The following BMPER variants were observed in gnomAD, a reference collection of about 807,000 sequenced individuals.
BMPER encodes BMP-binding endothelial regulator protein.
A neutral mutation model predicts 87.3 loss-of-function variants in BMPER; 45 were observed. The ratio of observed to expected loss-of-function variants is 0.52; its 90% CI spans 0.41 to 0.66. The LOEUF (loss-of-function observed/expected upper bound fraction) is 0.66. BMPER is among the 30% of genes least tolerant of loss of function. The pLI, the probability that BMPER is intolerant of heterozygous loss-of-function variation, is 0.00. For synonymous variants in BMPER, 326 were observed against 316.2 expected, an observed-to-expected ratio of 1.03 and a Z score of -0.33; for missense variants, 784 against 867.5, an observed-to-expected ratio of 0.90 and a Z score of 1.21.
intron 6 of BMPER, among the ~76,000 whole-genome samples, chr7:34,012,893 C>T (rs1050172934): frequency 6.6e-6 from 1 of 151,934 alleles, no homozygotes; most frequent in Non-Finnish European, 1.5e-5. Context: ...AAAACTCTAA[C>T]CATCTGTTGT....
intron 13 of BMPER, among the ~76,000 whole-genome samples, chr7:34,137,966 G>A (rs868724072): frequency 1.2e-4 from 18 of 152,078 alleles, no homozygotes; most frequent in African/African-American, 3.4e-4. Flanking sequence ...ATTCCCTGGC[G>A]CTAATGGAGC....
intron 6 of BMPER, 122 bp from the exon 7 acceptor site, chr7:34,046,184 G>A: frequency 1.1e-6 from 1 of 908,704 alleles, no homozygotes; most frequent in Non-Finnish European, 1.8e-6. Context: ...ACATGGGCCT[G>A]AGCAGTCAGT....
At chr7:33,917,756 A>G (rs1784120543) in intron 2 of BMPER, among the ~76,000 whole-genome samples, 1 of 152,196 alleles carries the variant, frequency 6.6e-6, no homozygotes, top group African/African-American at 2.4e-5. Flanking sequence ...GCTTGGTCAC[A>G]TAGATAATAT....
chr7:34,007,855 GTTAA>G (rs1435940438), intron 6 of BMPER, among the ~76,000 whole-genome samples: 7 of 152,020 alleles, frequency 4.6e-5, no homozygotes, highest in Non-Finnish European at 7.4e-5. Context: ...GCACATGTAT[GTTAA>G]TTGTTTTAGG....
At chr7:34,152,663 G>A (rs1207127287) in intron 14 of BMPER, among the ~76,000 whole-genome samples, 1 of 151,944 alleles carries the variant, frequency 6.6e-6, no homozygotes, top group African/African-American at 2.4e-5. Context: ...TCCTTGGTAG[G>A]TTTTTTCTCT....
At chr7:33,939,096 T>C (rs906171282) in intron 3 of BMPER, among the ~76,000 whole-genome samples, 1 of 152,104 alleles carries the variant, frequency 6.6e-6, no homozygotes, top group African/African-American at 2.4e-5. Flanking sequence ...GAAAGATGCA[T>C]TTACCGTACT....
At position 33,946,412 on chromosome 7, in the gene BMPER, G is replaced by A. The variant is rs118076748; in HGVS notation, c.319+9024G>A. Among the ~76,000 whole-genome samples, 1,194 of 152,296 alleles carry A rather than the reference G, an allele frequency of 7.8e-3. 7 individuals are homozygous for A. The highest frequency in any genetic ancestry group is 0.013 in the Admixed American group (205 of 15,302). ...ATGTGCCTGGGAAGGCTTTCCAGAA[G>A]AGCAATGCGTTTTTATGAACAAGTA... is the stretch of plus-strand genomic sequence containing the variant. On this transcript the variant is annotated intron_variant, in intron 3 of 14. Transcript: ENST00000649409.
chr7:34,032,424 G>C (rs1787553244), intron 6 of BMPER, among the ~76,000 whole-genome samples: 1 of 152,046 alleles, frequency 6.6e-6, no homozygotes. Context: ...CCCATTATCT[G>C]GAGTATGGTA....
chr7:34,121,227 G>C (rs12534839), intron 13 of BMPER, among the ~76,000 whole-genome samples: 1 of 152,098 alleles, frequency 6.6e-6, no homozygotes, highest in Non-Finnish European at 1.5e-5. Flanking sequence ...AATAAATATA[G>C]CAAAATGTTA....
chr7:34,067,394 A>G (rs1010303627), intron 11 of BMPER: 12 of 151,962 alleles, frequency 7.9e-5, no homozygotes, highest in South Asian at 4.2e-4. Flanking sequence ...ATTTCCCTAG[A>G]AAAAAAACCA....
chr7:33,970,821 T>C (rs1785525377), intron 5 of BMPER, among the ~76,000 whole-genome samples: 1 of 152,200 alleles, frequency 6.6e-6, no homozygotes, highest in African/African-American at 2.4e-5. Flanking sequence ...GCTGTGTCCC[T>C]AAGTGAATTT....
At chr7:33,969,409 T>A (rs868141778) in intron 4 of BMPER, among the ~76,000 whole-genome samples, 8 of 152,314 alleles carry the variant, frequency 5.3e-5, no homozygotes, top group Middle Eastern at 3.4e-3. Flanking sequence ...TTTATTTATT[T>A]ATTTTTTTGA....
At chr7:34,071,240 T>C (rs984604487) in intron 11 of BMPER, among the ~76,000 whole-genome samples, 10 of 152,222 alleles carry the variant, frequency 6.6e-5, no homozygotes, top group Non-Finnish European at 4.4e-5. Flanking sequence ...TAGATAACTA[T>C]TTGCTAGACT....
chr7:33,980,281 C>T (rs17170506), intron 6 of BMPER, among the ~76,000 whole-genome samples: 83 of 152,280 alleles, frequency 5.5e-4, no homozygotes, highest in African/African-American at 1.8e-3. Flanking sequence ...TTCCATATAG[C>T]GGTCTGAGTC....
At chr7:34,148,000 C>T (rs1461290933) in intron 14 of BMPER, among the ~76,000 whole-genome samples, 9 of 152,136 alleles carry the variant, frequency 5.9e-5, no homozygotes, top group Non-Finnish European at 1.2e-4. Context: ...GCTTAAAACC[C>T]TTCCAAGGCT....
chr7:34,063,761 T>C (rs1788502816), intron 11 of BMPER, among the ~76,000 whole-genome samples: 1 of 152,216 alleles, frequency 6.6e-6, no homozygotes, highest in Non-Finnish European at 1.5e-5. Context: ...TCCAGTTAAT[T>C]CCCTTCTGGA....
At chr7:33,973,118 A>T (rs1785589854) in intron 5 of BMPER, among the ~76,000 whole-genome samples, 1 of 152,208 alleles carries the variant, frequency 6.6e-6, no homozygotes, top group Non-Finnish European at 1.5e-5. Context: ...TTGCTCAGGA[A>T]TGGTGGGTTG....
intron 6 of BMPER, among the ~76,000 whole-genome samples, chr7:34,010,702 C>T (rs980885887): frequency 4.6e-5 from 7 of 151,872 alleles, no homozygotes; most frequent in African/African-American, 9.7e-5. Context: ...TCATGAGTTT[C>T]GTAATGTAAC....
chr7:34,137,753 G>A (rs1006298975), intron 13 of BMPER, among the ~76,000 whole-genome samples: 1 of 152,232 alleles, frequency 6.6e-6, no homozygotes, highest in African/African-American at 2.4e-5. Flanking sequence ...AAGTCCAAGG[G>A]TTGATGGGAC....
Sources: gnomAD v4.1 joint callset for allele counts (sites outside exome capture counted in the v4.1 genomes callset) on GRCh38, gnomAD v4.1.1 for gene constraint, MANE v1.5 for transcripts, NCBI Gene and HGNC (gene_info 2026-07-23, HGNC 2026-07-21) for gene names.